Variants in FOCAD observed in about 807,000 individuals in gnomAD.
The protein encoded by FOCAD is KIAA1797.
A neutral mutation model predicts 225.6 loss-of-function variants in FOCAD; 198 were observed. The observed-to-expected ratio is 0.88, with a 90% CI of 0.78 to 0.99. The LOEUF (loss-of-function observed/expected upper bound fraction) is 0.99. FOCAD is among the 50% of genes least tolerant of loss of function. The pLI is 0.00. For synonymous variants in FOCAD, 897 were observed against 755.0 expected (o/e 1.19, Z -3.08); for missense variants, 2,713 against 2,123.6 (o/e 1.28, Z -5.46).
At chr9:20,662,894 A>G (rs988232204) in intron 2 of FOCAD, among the ~76,000 whole-genome samples, 6 of 152,218 alleles carry the variant, frequency 3.9e-5, no homozygotes, top group Admixed American at 1.3e-4. Flanking sequence ...AAGACATTTA[A>G]ACTTAAAGGA....
At chr9:20,961,126 G>C (rs1838675988) in intron 35 of FOCAD, among the ~76,000 whole-genome samples, 1 of 151,552 alleles carries the variant, frequency 6.6e-6, no homozygotes, top group South Asian at 2.1e-4. Context: ...TCTGCTGTAA[G>C]AAATGGCTCC....
intron 15 of FOCAD, among the ~76,000 whole-genome samples, chr9:20,828,002 T>A (rs1312237774): frequency 6.6e-6 from 1 of 151,820 alleles, no homozygotes; most frequent in Non-Finnish European, 1.5e-5. Flanking sequence ...GCAAATCTTG[T>A]CTCTATAAAA....
In FOCAD at chr9:20,820,424, A is replaced by C. The variant is rs1824193925; in HGVS notation, c.1661A>C (p.Gln554Pro). ...LRLLTSLWEK[Q>P]DRVYPELQRF... ...TTGCTGACATCTTTGTGGGAAAAGC[A>C]GGTAATTTCAGATATACACTTGCAT... Residue 554 changes from glutamine (Q) to proline (P), a missense_variant and splice_region_variant, in exon 13 of 44, where the codon CAG becomes CCG. Transcript: ENST00000338382. 1 of 1,611,294 alleles carries C rather than the reference A, an allele frequency of 6.2e-7. No homozygotes were observed. The highest frequency in any genetic ancestry group is 2.2e-5 in the East Asian group (1 of 44,802).
At chr9:20,956,108 G>A (rs527669365) in intron 35 of FOCAD, among the ~76,000 whole-genome samples, 84 of 152,278 alleles carry the variant, frequency 5.5e-4, no homozygotes, top group Admixed American at 1.8e-3. Context: ...AGTGATCTGC[G>A]TGTGTAAGTA....
intron 15 of FOCAD, among the ~76,000 whole-genome samples, chr9:20,852,123 A>G (rs1827719959): frequency 6.6e-6 from 1 of 151,784 alleles, no homozygotes; most frequent in Admixed American, 6.6e-5. Flanking sequence ...GTTTGGGTGG[A>G]AAAATCTTGT....
intron 5 of FOCAD, among the ~76,000 whole-genome samples, chr9:20,741,471 G>A (rs964015792): frequency 3.3e-5 from 5 of 151,934 alleles, no homozygotes; most frequent in African/African-American, 9.7e-5. Context: ...GTTTCTTAAG[G>A]CATTTTTTTA....
At chr9:20,711,856 T>C (rs1824876132) in intron 1 of FOCAD, among the ~76,000 whole-genome samples, 1 of 151,802 alleles carries the variant, frequency 6.6e-6, no homozygotes, top group Non-Finnish European at 1.5e-5. Context: ...CAAGGCAGAG[T>C]GGCTGGGGAG....
At chr9:20,710,544 T>C (rs1012246755) in intron 1 of FOCAD, among the ~76,000 whole-genome samples, 1 of 151,658 alleles carries the variant, frequency 6.6e-6, no homozygotes, top group African/African-American at 2.4e-5. Context: ...TGCAGTGAGC[T>C]GGTATCACGC....
chr9:20,848,922 T>G (rs1320775251), intron 15 of FOCAD, among the ~76,000 whole-genome samples: 1 of 151,780 alleles, frequency 6.6e-6, no homozygotes, highest in African/African-American at 2.4e-5. Context: ...TATCTTTATC[T>G]TTGCAAGTGT....
chr9:20,859,232 A>T (rs1434160704), intron 15 of FOCAD, among the ~76,000 whole-genome samples: 1 of 152,010 alleles, frequency 6.6e-6, no homozygotes, highest in African/African-American at 2.4e-5. Flanking sequence ...TTAAAAAAAC[A>T]TTATCTGGGT....
At chr9:20,818,520 A>G (rs13296842) in intron 11 of FOCAD, among the ~76,000 whole-genome samples, 56,615 of 151,794 alleles carry the variant, frequency 0.37, 10,847 homozygotes, top group East Asian at 0.47. Flanking sequence ...TCTAAAATCC[A>G]TTTTGAGTTA....
At chr9:20,843,891 C>T (rs575890560) in intron 15 of FOCAD, among the ~76,000 whole-genome samples, 16 of 152,164 alleles carry the variant, frequency 1.1e-4, no homozygotes, top group African/African-American at 3.9e-4. Flanking sequence ...ATTTAAGAAC[C>T]ACTTAGGACT....
At chr9:20,976,179 A>G in intron 35 of FOCAD, 1 of 214,194 alleles carries the variant, frequency 4.7e-6, no homozygotes, top group Admixed American at 5.1e-5. Flanking sequence ...CCATAAATAT[A>G]TACAGTTATT....
intron 21 of FOCAD, among the ~76,000 whole-genome samples, chr9:20,895,124 A>G (rs1022760959): frequency 2.0e-5 from 3 of 151,968 alleles, no homozygotes; most frequent in African/African-American, 4.8e-5. Context: ...ATATTAACGG[A>G]CTACATTTAT....
chr9:20,672,699 C>G (rs988641037), intron 2 of FOCAD, among the ~76,000 whole-genome samples: 1 of 152,216 alleles, frequency 6.6e-6, no homozygotes, highest in Admixed American at 6.5e-5. Flanking sequence ...GATCCACCCA[C>G]CTTGGCCTCT....
At chr9:20,712,028 C>T (rs72701990) in intron 1 of FOCAD, among the ~76,000 whole-genome samples, 8,860 of 152,274 alleles carry the variant, frequency 0.058, 362 homozygotes, top group Middle Eastern at 0.1. Flanking sequence ...TTGATAAATT[C>T]TGGGTTAAGC....
At chr9:20,687,694 A>G (rs1822748142) in intron 1 of FOCAD, among the ~76,000 whole-genome samples, 1 of 152,208 alleles carries the variant, frequency 6.6e-6, no homozygotes, top group African/African-American at 2.4e-5. Flanking sequence ...AAGGTATTGT[A>G]TTCATTATTT....
intron 38 of FOCAD, 62 bp from the exon 39 acceptor site, chr9:20,982,295 A>G (rs1373319278): frequency 8.5e-7 from 1 of 1,178,032 alleles, no homozygotes; most frequent in Non-Finnish European, 1.2e-6. Context: ...ATAATTTGTC[A>G]GAACATTTTG....
chr9:20,826,086 C>T (rs1057439323), intron 15 of FOCAD, among the ~76,000 whole-genome samples: 1 of 151,980 alleles, frequency 6.6e-6, no homozygotes, highest in South Asian at 2.1e-4. Flanking sequence ...GCTACTATTT[C>T]TTGGGTTCTG....
Sources: allele counts gnomAD v4.1 joint callset (sites outside exome capture counted in the v4.1 genomes callset), GRCh38; gene constraint gnomAD v4.1.1; transcripts MANE v1.5; gene names NCBI Gene and HGNC (gene_info 2026-07-23, HGNC 2026-07-21).